The following ABCA12 variants were observed in gnomAD, a reference collection of about 807,000 sequenced individuals.
The protein encoded by ABCA12 is ATP binding cassette subfamily A member 12.
Under a neutral mutation model 293.5 loss-of-function variants are expected in ABCA12, and 156 were observed. The observed-to-expected ratio is 0.53, with a 90% CI of 0.47 to 0.61. The LOEUF is 0.61. ABCA12 is among the 20% of genes least tolerant of loss of function. ABCA12 has a pLI of 0.00. For missense variants in ABCA12, 2,797 were observed against 3,090.2 expected (o/e 0.91, Z 2.25); for synonymous variants, 1,063 against 1,108.0 (o/e 0.96, Z 0.81).
intron 5 of ABCA12, among the ~76,000 whole-genome samples, chr2:215,050,551 T>C (rs1439564331): frequency 6.6e-6 from 1 of 152,136 alleles, no homozygotes; most frequent in East Asian, 1.9e-4. Context: ...ACAGAGCTGA[T>C]GATAGTTAGT....
chr2:214,955,576 G>A (rs1698921343), intron 42 of ABCA12, among the ~76,000 whole-genome samples: 2 of 152,132 alleles, frequency 1.3e-5, no homozygotes, highest in South Asian at 4.1e-4. Flanking sequence ...CTGGTTATTT[G>A]GGAGGCTGAG....
chr2:215,131,618 T>C (rs1703057156), intron 1 of ABCA12, among the ~76,000 whole-genome samples: 1 of 151,802 alleles, frequency 6.6e-6, no homozygotes, highest in Admixed American at 6.6e-5. Context: ...TGAATCTTTC[T>C]TTTTTCCTTA....
chr2:215,112,327 T>G (rs552412895), intron 1 of ABCA12, among the ~76,000 whole-genome samples: 1 of 146,014 alleles, frequency 6.8e-6, no homozygotes, highest in African/African-American at 2.7e-5. Context: ...ACCGTTATAG[T>G]CAATGATTTT....
At chr2:215,054,542 G>T in intron 4 of ABCA12, 31 bp downstream of exon 4, 1 of 1,548,230 alleles carries the variant, frequency 6.5e-7, no homozygotes, top group Non-Finnish European at 8.9e-7. Flanking sequence ...CATAAGGCTT[G>T]TTCTGAACTC....
Position 214,963,923 on chromosome 2 carries a change from CAAAAAA to C in ABCA12, c.5884+2919_5884+2924del. On this transcript the variant is annotated intron_variant, in intron 39 of 52. Transcript: ENST00000272895. The stretch of plus-strand genomic sequence containing the variant: ...TGACTGACAGAGTGAGACTCTGCCT[CAAAAAA>C]AAAAAAAAAAAAAAAACTTCAGGCC... Among the ~76,000 whole-genome samples the C allele has an allele frequency of 8.3e-5, 5 of 59,888 alleles. 1 individual carries two copies. The South Asian group carries it at 4.1e-3, about 49-fold the overall frequency. The allele number at this position is 59,888 out of a possible 152,430, so 39.3% of individuals were successfully genotyped here.
chr2:214,998,023 G>GA (rs10714956), intron 22 of ABCA12, among the ~76,000 whole-genome samples: 2 of 151,310 alleles, frequency 1.3e-5, no homozygotes, highest in African/African-American at 4.9e-5. Flanking sequence ...TCAAGAGTAA[G>GA]AAAAAAAAAA....
At chr2:214,973,528 T>C (rs865853758) in intron 36 of ABCA12, among the ~76,000 whole-genome samples, 6 of 152,160 alleles carry the variant, frequency 3.9e-5, no homozygotes, top group South Asian at 2.1e-4. Flanking sequence ...AGCCTGGAGG[T>C]GTTGCTTAGA....
At chr2:215,098,966 G>A (rs889303589) in intron 2 of ABCA12, among the ~76,000 whole-genome samples, 1 of 152,242 alleles carries the variant, frequency 6.6e-6, no homozygotes. Flanking sequence ...AATCTTGTTA[G>A]GCTGTGTGGT....
At chr2:215,084,106 T>C (rs955531406) in intron 2 of ABCA12, among the ~76,000 whole-genome samples, 1 of 152,110 alleles carries the variant, frequency 6.6e-6, no homozygotes. Flanking sequence ...GCCTCCTGAA[T>C]ACCTGGGACT....
At chr2:215,123,487 T>A (rs1322640497) in intron 1 of ABCA12, among the ~76,000 whole-genome samples, 1 of 152,162 alleles carries the variant, frequency 6.6e-6, no homozygotes, top group Non-Finnish European at 1.5e-5. Context: ...ATTTTCTTTA[T>A]CCAATGAACT....
At chr2:215,037,300 C>T (rs17429826) in intron 7 of ABCA12, among the ~76,000 whole-genome samples, 28,972 of 152,120 alleles carry the variant, frequency 0.19, 2,978 homozygotes, top group East Asian at 0.4. Flanking sequence ...CATCAGGAAT[C>T]ACCAGCCTTA....
chr2:214,959,455 A>T (rs1699052517), intron 39 of ABCA12, among the ~76,000 whole-genome samples: 1 of 152,158 alleles, frequency 6.6e-6, no homozygotes, highest in Non-Finnish European at 1.5e-5. Context: ...ACATTTAAAT[A>T]AGCAATTCAA....
intron 1 of ABCA12, among the ~76,000 whole-genome samples, chr2:215,133,868 C>G (rs1559213241): frequency 6.6e-6 from 1 of 152,136 alleles, no homozygotes; most frequent in East Asian, 1.9e-4. Flanking sequence ...AGAAAAAACT[C>G]AACTCAGCAG....
At chr2:215,040,001 G>A (rs10165031) in intron 7 of ABCA12, among the ~76,000 whole-genome samples, 12,899 of 151,950 alleles carry the variant, frequency 0.085, 1,530 homozygotes, top group African/African-American at 0.27. Flanking sequence ...TTAAATTTAC[G>A]GATGAAAAAG....
intron 49 of ABCA12, among the ~76,000 whole-genome samples, chr2:214,943,697 C>G (rs1266894710): frequency 1.3e-5 from 2 of 152,124 alleles, no homozygotes; most frequent in East Asian, 3.9e-4. Flanking sequence ...GCTACGTACC[C>G]CATATTCTGT....
chr2:214,951,526 GC>G (rs1698769358), intron 44 of ABCA12, among the ~76,000 whole-genome samples: 4 of 152,154 alleles, frequency 2.6e-5, no homozygotes, highest in Admixed American at 2.6e-4. Flanking sequence ...ACTTTGAGAG[GC>G]CGACGGATCA....
intron 7 of ABCA12, chr2:215,039,160 G>A (rs1575003260): frequency 6.6e-6 from 1 of 151,992 alleles, no homozygotes; most frequent in African/African-American, 2.4e-5. Context: ...GCTGATTTCT[G>A]CTTATTACTG....
intron 1 of ABCA12, among the ~76,000 whole-genome samples, chr2:215,118,717 G>A (rs938276377): frequency 7.2e-5 from 11 of 152,008 alleles, no homozygotes; most frequent in African/African-American, 2.2e-4. Context: ...TTGAGAAAGG[G>A]AAACAAAAAA....
intron 38 of ABCA12, 42 bp from the exon 39 acceptor site, chr2:214,966,995 A>G: frequency 6.8e-7 from 1 of 1,474,574 alleles, no homozygotes; most frequent in Non-Finnish European, 9.5e-7. Flanking sequence ...ATTGCATTCA[A>G]ATAAATTAGG....
Sources: allele counts gnomAD v4.1 joint callset (sites outside exome capture counted in the v4.1 genomes callset), GRCh38; gene constraint gnomAD v4.1.1; transcripts MANE v1.5; gene names NCBI Gene and HGNC (gene_info 2026-07-23, HGNC 2026-07-21).